GATAD2A: variants seen among roughly 807,000 people sequenced by gnomAD.
GATAD2A encodes the protein transcriptional repressor p66-alpha.
Under a neutral mutation model 68.5 loss-of-function variants are expected in GATAD2A, and 12 were observed. That is an observed-to-expected ratio of 0.18 (90% CI 0.11 to 0.28). The LOEUF is 0.28. GATAD2A is among the 10% of genes least tolerant of loss of function. The probability of loss-of-function intolerance (pLI) is 1.00; values close to 1 mark genes in which losing one functional copy is unlikely to be tolerated. For synonymous variants in GATAD2A, 410 were observed against 375.3 expected, an observed-to-expected ratio of 1.09 and a Z score of -1.07; for missense variants, 755 against 868.5, an observed-to-expected ratio of 0.87 and a Z score of 1.64.
exon 1 of GATAD2A, chr19:19,385,957 C>A (rs2048383768): frequency 1.3e-5 from 2 of 148,442 alleles, no homozygotes; most frequent in African/African-American, 4.9e-5. Flanking sequence ...CCCGAGCGCG[C>A]CCCGCGCCGC....
At chr19:19,483,064 C>T (rs904803142) in intron 2 of GATAD2A, among the ~76,000 whole-genome samples, 4 of 152,114 alleles carry the variant, frequency 2.6e-5, no homozygotes, top group Non-Finnish European at 5.9e-5. Context: ...TCCTAGAAGG[C>T]GTTCTGGCAG....
At chr19:19,482,698 G>A (rs1389438003) in intron 2 of GATAD2A, among the ~76,000 whole-genome samples, 2 of 152,212 alleles carry the variant, frequency 1.3e-5, no homozygotes. Flanking sequence ...CCTAGGAATG[G>A]CCATCATAAA....
At chr19:19,472,382 G>A (rs1275447239) in intron 2 of GATAD2A, 3 of 151,294 alleles carry the variant, frequency 2.0e-5, no homozygotes, top group Non-Finnish European at 2.9e-5. Flanking sequence ...TGCCCAGACT[G>A]GAGTGTGGTG....
Position 19,506,334 on chromosome 19 carries a change from C to T in GATAD2A, c.*860C>T. On this transcript the variant is annotated 3_prime_UTR_variant, in exon 12 of 12. Transcript: ENST00000683918. ...GAGAAGGAGAGGATCCGGTCGGCAGCAGCCCTGAGCAGAAAGCTGGAGGGG... is the reference window on the plus strand; with the variant it reads ...GAGAAGGAGAGGATCCGGTCGGCAGTAGCCCTGAGCAGAAAGCTGGAGGGG... 2.5e-6 allele frequency: 1 copy of T among 397,338 alleles called. No individual in the cohort carries two copies. The highest frequency in any genetic ancestry group is 4.4e-6 in the Non-Finnish European group (1 of 225,510). 24.6% of individuals were successfully genotyped at this position (397,338 alleles called of 1,614,324 possible).
At chr19:19,498,793 C>T in intron 8 of GATAD2A, 71 bp downstream of exon 8, 2 of 1,353,472 alleles carry the variant, frequency 1.5e-6, no homozygotes, top group South Asian at 1.3e-5. Context: ...TGGGTTCTTT[C>T]CAACACACAG....
chr19:19,407,184 T>C (rs1380150424), intron 1 of GATAD2A, among the ~76,000 whole-genome samples: 1 of 152,278 alleles, frequency 6.6e-6, no homozygotes, highest in Non-Finnish European at 1.5e-5. Context: ...TCTTGGACTG[T>C]AGTCCTGTTG....
At chr19:19,433,345 G>C (rs1029643934) in intron 1 of GATAD2A, among the ~76,000 whole-genome samples, 8 of 152,134 alleles carry the variant, frequency 5.3e-5, no homozygotes, top group African/African-American at 1.9e-4. Context: ...GTAGCTTTAT[G>C]TTAAGTCTCA....
intron 2 of GATAD2A, among the ~76,000 whole-genome samples, chr19:19,473,498 T>C (rs913068603): frequency 1.3e-5 from 2 of 152,202 alleles, no homozygotes; most frequent in African/African-American, 4.8e-5. Flanking sequence ...TGCCGTTGTC[T>C]TTCTTTTTAG....
chr19:19,409,430 G>GA (rs1178335805), intron 1 of GATAD2A, among the ~76,000 whole-genome samples: 7 of 152,164 alleles, frequency 4.6e-5, no homozygotes, highest in Non-Finnish European at 1.0e-4. Flanking sequence ...AAGTGTGGCA[G>GA]AACCAGAAGA....
rs1271930271 is a variant in GATAD2A at position 19,501,394 on chromosome 19, C to T, written c.1481C>T (p.Ala494Val). The T allele has an allele frequency of 1.9e-6, 3 of 1,602,734 alleles. No homozygotes were observed. In the African/African-American group the frequency reaches 4.0e-5, roughly 21 times the overall value. ...PAQAKAEPTA[A>V]PHPVLKQVIK... ...CAGGCCAAGGCCGAGCCCACCGCTG[C>T]CCCACACCCCGTGCTGAAGCAGGTG... The change falls in exon 9 of 12, where the codon GCC becomes GTC. Residue 494 changes from alanine (A) to valine (V), a missense_variant. By Grantham distance (64) the Ala-to-Val change is moderately conservative. Coordinates refer to ENST00000683918, the MANE Select transcript of GATAD2A (RefSeq NM_001384528.1).
chr19:19,473,920 TG>T, intron 2 of GATAD2A: 2 of 397,086 alleles, frequency 5.0e-6, no homozygotes, highest in Non-Finnish European at 6.8e-6. Context: ...CACTCCAGCC[TG>T]GGCGACAGAG....
At chr19:19,408,580 C>G (rs1439362754) in intron 1 of GATAD2A, among the ~76,000 whole-genome samples, 2 of 152,082 alleles carry the variant, frequency 1.3e-5, no homozygotes, top group Non-Finnish European at 2.9e-5. Flanking sequence ...CTCTAATTTT[C>G]AACTCTTCAG....
rs990690356 is a variant in GATAD2A, at chr19:19,506,402, T to A, written c.*928T>A. On this transcript the variant is annotated 3_prime_UTR_variant, in exon 12 of 12. Transcript: ENST00000683918. ...TTCTGTTGTGGTTTATTTTATTAAA[T>A]TTTTTCCTTTTTTCTATTCATTTCG... 9 of 368,574 alleles carry A rather than the reference T, an allele frequency of 2.4e-5. No homozygotes were observed. Among genetic ancestry groups the A allele is most frequent in the African/African-American group, 1.5e-4 (7 of 47,936 alleles). 22.8% of individuals were successfully genotyped at this position (368,574 alleles called of 1,614,324 possible). A position where few individuals can be genotyped will look rare whatever the true frequency, so the allele number is the denominator to read the frequency against.
intron 1 of GATAD2A, among the ~76,000 whole-genome samples, chr19:19,461,584 C>T (rs1350559434): frequency 1.3e-5 from 2 of 152,236 alleles, no homozygotes; most frequent in Non-Finnish European, 2.9e-5. Context: ...GGAGGTGCTC[C>T]CGGTCAGAGC....
intron 1 of GATAD2A, among the ~76,000 whole-genome samples, chr19:19,453,540 G>A (rs527957708): frequency 6.6e-5 from 10 of 152,260 alleles, no homozygotes; most frequent in African/African-American, 9.6e-5. Context: ...CCGTTGCCCA[G>A]GCTGGAGTGT....
At chr19:19,411,673 G>C (rs1489406709) in intron 1 of GATAD2A, among the ~76,000 whole-genome samples, 1 of 119,596 alleles carries the variant, frequency 8.4e-6, no homozygotes, top group Admixed American at 8.4e-5. Flanking sequence ...CCTGGCCTCA[G>C]CTTTCTCTTA....
intron 1 of GATAD2A, among the ~76,000 whole-genome samples, chr19:19,417,996 C>T (rs1377986828): frequency 2.0e-5 from 3 of 152,118 alleles, no homozygotes; most frequent in African/African-American, 7.2e-5. Flanking sequence ...ATGATGCAGA[C>T]ATCTGGGGCA....
At chr19:19,395,959 G>A (rs2049209175) in intron 1 of GATAD2A, among the ~76,000 whole-genome samples, 1 of 152,124 alleles carries the variant, frequency 6.6e-6, no homozygotes, top group African/African-American at 2.4e-5. Flanking sequence ...TTGTGGGCTG[G>A]TTTGTTTGTA....
chr19:19,495,946 G>A, intron 6 of GATAD2A, 61 bp downstream of exon 6: 2 of 1,592,514 alleles, frequency 1.3e-6, no homozygotes, highest in South Asian at 1.1e-5. Context: ...TACCTTGAAA[G>A]TAGGGCCCTT....
Sources: gnomAD v4.1 joint callset for allele counts (sites outside exome capture counted in the v4.1 genomes callset) on GRCh38, gnomAD v4.1.1 for gene constraint, MANE v1.5 for transcripts, NCBI Gene and HGNC (gene_info 2026-07-23, HGNC 2026-07-21) for gene names.